The following MED13L variants were observed in gnomAD, a reference collection of about 807,000 sequenced individuals.
The protein encoded by MED13L is mediator of RNA polymerase II transcription subunit 13-like.
Under a neutral mutation model 220.9 loss-of-function variants are expected in MED13L, and 7 were observed. That is an observed-to-expected ratio of 0.03 (90% CI 0.02 to 0.06). MED13L has a LOEUF of 0.06. Ranked by LOEUF, MED13L falls within the 10% of genes least tolerant of loss-of-function variation. The probability of loss-of-function intolerance (pLI) is 1.00; values close to 1 mark genes in which losing one functional copy is unlikely to be tolerated. For missense variants in MED13L, 1,965 were observed against 2,760.5 expected (o/e 0.71, Z 6.46); for synonymous variants, 1,011 against 1,015.2 (o/e 1.00, Z 0.08).
intron 2 of MED13L, among the ~76,000 whole-genome samples, chr12:116,121,558 T>C (rs1245282392): frequency 6.6e-6 from 1 of 152,090 alleles, no homozygotes; most frequent in Non-Finnish European, 1.5e-5. Flanking sequence ...GGGAGGAGCA[T>C]AAAGATTGTG....
At chr12:116,182,944 T>C (rs1348638296) in intron 2 of MED13L, among the ~76,000 whole-genome samples, 25 of 152,178 alleles carry the variant, frequency 1.6e-4, no homozygotes, top group Admixed American at 1.6e-3. Flanking sequence ...TTTAAGCTAC[T>C]TGAGGTGAAA....
At chr12:116,276,777 G>C (rs1873885840) in intron 1 of MED13L, 1 of 1,286,764 alleles carries the variant, frequency 7.8e-7, no homozygotes. Flanking sequence ...GTGGGCGTTC[G>C]AAGTGCGACC....
chr12:115,979,621 C>G (rs1037165909), intron 23 of MED13L, among the ~76,000 whole-genome samples: 1 of 152,214 alleles, frequency 6.6e-6, no homozygotes, highest in African/African-American at 2.4e-5. Flanking sequence ...CACTCCCAAG[C>G]ATTTTACTTA....
In MED13L at chr12:115,983,188, C is replaced by T. The variant is rs1877451633; in HGVS notation, c.4884G>A (p.Gly1628=). 6.2e-7 allele frequency: 1 copy of T among 1,614,052 alleles called. No homozygotes were observed. The highest frequency in any genetic ancestry group is 1.7e-5 in the Admixed American group (1 of 60,012). ...TGGISADRTQ[G]NIGCGGDTDP... is the part of the protein sequence containing the mutation. Reference sequence around the variant, plus strand: ...CAGTGTCTCCACCACAGCCTATGTTCCCTTGCGTTCTATCCGCAGAAATGC... The same window carrying T: ...CAGTGTCTCCACCACAGCCTATGTTTCCTTGCGTTCTATCCGCAGAAATGC... The change falls in exon 21 of 31, where the codon GGG becomes GGA. Residue 1628 remains glycine, a synonymous_variant. Transcript: ENST00000281928.
At chr12:116,022,406 T>C (rs757831712) in intron 5 of MED13L, 50 bp downstream of exon 5, 185 of 1,609,186 alleles carry the variant, frequency 1.1e-4, no homozygotes, top group Non-Finnish European at 1.6e-4. Context: ...GCAAGATGGT[T>C]ATCCACTCGG....
intron 20 of MED13L, 111 bp from the exon 21 acceptor site, chr12:115,983,651 T>C: frequency 8.5e-7 from 1 of 1,171,562 alleles, no homozygotes; most frequent in Non-Finnish European, 1.2e-6. Context: ...GCTGCAATAC[T>C]CTGATTACAA....
chr12:116,034,272 T>C (rs1381672781), intron 4 of MED13L, among the ~76,000 whole-genome samples: 1 of 152,128 alleles, frequency 6.6e-6, no homozygotes, highest in Non-Finnish European at 1.5e-5. Flanking sequence ...AGTATGGTGC[T>C]TGCCATAGGT....
chr12:116,190,611 T>G (rs1881209294), intron 2 of MED13L, among the ~76,000 whole-genome samples: 1 of 152,228 alleles, frequency 6.6e-6, no homozygotes, highest in Non-Finnish European at 1.5e-5. Context: ...CTCATACTTT[T>G]TGTTAAATCA....
chr12:116,131,245 T>A (rs1876041488), intron 2 of MED13L, among the ~76,000 whole-genome samples: 1 of 152,230 alleles, frequency 6.6e-6, no homozygotes, highest in Non-Finnish European at 1.5e-5. Context: ...AAGGAGATTG[T>A]TTATTTATGG....
intron 1 of MED13L, among the ~76,000 whole-genome samples, chr12:116,252,708 AG>A (rs948986197): frequency 6.6e-6 from 1 of 152,132 alleles, no homozygotes; most frequent in Non-Finnish European, 1.5e-5. Flanking sequence ...ACAGAAAAAA[AG>A]AAAACAAAAA....
At chr12:116,068,972 A>G (rs770740867) in intron 4 of MED13L, among the ~76,000 whole-genome samples, 1 of 152,066 alleles carries the variant, frequency 6.6e-6, no homozygotes, top group Non-Finnish European at 1.5e-5. Context: ...TGCAGCACTA[A>G]CGTCATTACC....
chr12:116,008,221 T>C (rs1254522177), intron 10 of MED13L, 180 bp downstream of exon 10: 8 of 781,136 alleles, frequency 1.0e-5, no homozygotes, highest in African/African-American at 5.2e-5. Context: ...TCAAATGACA[T>C]GTGTGCTAAC....
At chr12:116,272,212 T>C (rs1873427534) in intron 1 of MED13L, among the ~76,000 whole-genome samples, 1 of 152,182 alleles carries the variant, frequency 6.6e-6, no homozygotes, top group South Asian at 2.1e-4. Flanking sequence ...TATCACAATT[T>C]ATAGCACTAG....
chr12:116,083,362 A>T (rs1056524360), intron 4 of MED13L, among the ~76,000 whole-genome samples: 1 of 143,348 alleles, frequency 7.0e-6, no homozygotes, highest in South Asian at 2.3e-4. Context: ...AAATCGCGTC[A>T]CTGCACTTCA....
At chr12:116,039,975 G>A (rs994750083) in intron 4 of MED13L, among the ~76,000 whole-genome samples, 4 of 152,138 alleles carry the variant, frequency 2.6e-5, no homozygotes, top group African/African-American at 4.8e-5. Context: ...GACTGCAGAC[G>A]CACAGAAAGC....
chr12:116,046,055 T>C (rs959034571), intron 4 of MED13L, among the ~76,000 whole-genome samples: 2 of 152,166 alleles, frequency 1.3e-5, no homozygotes, highest in Non-Finnish European at 2.9e-5. Flanking sequence ...ATTTTATTTA[T>C]AAAGCCAATA....
chr12:116,210,153 A>G (rs1220034592), intron 2 of MED13L, among the ~76,000 whole-genome samples: 4 of 152,172 alleles, frequency 2.6e-5, no homozygotes, highest in African/African-American at 9.7e-5. Context: ...GGTTATACTC[A>G]GTTAGCAGAG....
In MED13L at chr12:116,005,970, C is replaced by A; in HGVS notation, c.2368G>T (p.Gly790Cys). ...KTDVRQDNAA[G>C]RAGSSSLTQV... ...GTAAGGCTACTGGAGCCAGCTCTGC[C>A]AGCAGCATTATCCTGCCGGACATCT... The change falls in exon 13 of 31, where the codon GGC becomes TGC. Residue 790 changes from glycine (G) to cysteine (C), a missense_variant. Gly to Cys is a radical substitution (Grantham distance 159). Around this residue, in one of 10 missense-constraint regions of MED13L, gnomAD observed 818 missense variants for 1,041.2 expected, o/e 0.79. Transcript: ENST00000281928. 6.2e-7 allele frequency: 1 copy of A among 1,613,926 alleles called. No individual in the cohort carries two copies. The highest frequency in any genetic ancestry group is 8.5e-7 in the Non-Finnish European group (1 of 1,179,880).
intron 1 of MED13L, among the ~76,000 whole-genome samples, chr12:116,265,973 G>A (rs536957360): frequency 8.5e-5 from 13 of 152,156 alleles, no homozygotes; most frequent in South Asian, 2.1e-4. Flanking sequence ...GATATTATGC[G>A]GTCCATGTCA....
Sources: gnomAD v4.1 joint callset for allele counts (sites outside exome capture counted in the v4.1 genomes callset) on GRCh38, gnomAD v4.1.1 for gene constraint, gnomAD v4.1.1 regional missense constraint, MANE v1.5 for transcripts, NCBI Gene and HGNC (gene_info 2026-07-23, HGNC 2026-07-21) for gene names.